Variants in CALN1 observed in about 807,000 individuals in gnomAD.
CALN1 encodes calneuron 1.
In CALN1, 17 loss-of-function variants were observed where a neutral mutation model predicts 30.6. The observed-to-expected ratio is 0.56, with a 90% CI of 0.38 to 0.83. CALN1 has a LOEUF of 0.83. Ranked by LOEUF, CALN1 falls within the 40% of genes least tolerant of loss-of-function variation. The pLI is 0.00. For synonymous variants in CALN1, 156 were observed against 131.4 expected (o/e 1.19, Z -1.28); for missense variants, 291 against 354.9 (o/e 0.82, Z 1.45).
intron 6 of CALN1, 53 bp from the exon 7 acceptor site, chr7:71,787,955 G>A: frequency 1.9e-6 from 3 of 1,611,138 alleles, no homozygotes; most frequent in Admixed American, 1.7e-5. Context: ...TGGGAGAAGA[G>A]AGAAGAGAGA....
intron 4 of CALN1, among the ~76,000 whole-genome samples, chr7:72,077,124 G>A (rs936440027): frequency 1.4e-4 from 22 of 152,036 alleles, no homozygotes; most frequent in African/African-American, 4.8e-4. Flanking sequence ...AGTTCTGACC[G>A]TTACACCTTC....
intron 4 of CALN1, among the ~76,000 whole-genome samples, chr7:72,031,813 C>A (rs1288790760): frequency 6.9e-6 from 1 of 144,730 alleles, no homozygotes; most frequent in African/African-American, 2.6e-5. Context: ...ATGATCTTGG[C>A]TGATCGCAAC....
rs1439213976 is a variant in CALN1 at position 71,917,973 on chromosome 7, G to A, written c.501+105684C>T. Reference sequence around the variant, plus strand: ...CTCAGATATGAAAATCCAGAGTCACGACCAAATGTGTTTAGGGTCGATGGC... The same window carrying A: ...CTCAGATATGAAAATCCAGAGTCACAACCAAATGTGTTTAGGGTCGATGGC... On this transcript the variant is annotated intron_variant, in intron 5 of 6. Transcript: ENST00000395275. 4.6e-5 allele frequency among the ~76,000 whole-genome samples: 7 copies of A among 152,234 alleles called. No individual in the cohort carries two copies. The East Asian group carries it at 9.7e-4, about 21-fold the overall frequency.
intron 3 of CALN1, among the ~76,000 whole-genome samples, chr7:72,179,142 A>G (rs1034021063): frequency 2.0e-5 from 3 of 152,200 alleles, no homozygotes; most frequent in African/African-American, 7.2e-5. Context: ...TAAATTAGAG[A>G]TGCTTTAAAT....
intron 5 of CALN1, among the ~76,000 whole-genome samples, chr7:71,848,830 C>A (rs984046861): frequency 1.3e-5 from 2 of 152,106 alleles, no homozygotes; most frequent in African/African-American, 4.8e-5. Flanking sequence ...AGAAAACAAA[C>A]TTGGAAAGCT....
At chr7:72,030,180 CG>C (rs1801342543) in intron 4 of CALN1, among the ~76,000 whole-genome samples, 1 of 152,128 alleles carries the variant, frequency 6.6e-6, no homozygotes, top group African/African-American at 2.4e-5. Flanking sequence ...TTGTCTTGAG[CG>C]TTAGAGTATT....
At chr7:72,176,245 C>T (rs1364247944) in intron 3 of CALN1, among the ~76,000 whole-genome samples, 2 of 152,166 alleles carry the variant, frequency 1.3e-5, no homozygotes, top group Non-Finnish European at 2.9e-5. Context: ...TTCTTACAGG[C>T]AGACCAGGGC....
intron 4 of CALN1, among the ~76,000 whole-genome samples, chr7:72,054,622 G>C (rs1236253588): frequency 6.6e-6 from 1 of 150,606 alleles, no homozygotes; most frequent in African/African-American, 2.4e-5. Flanking sequence ...AACATGAATG[G>C]AGCTGGAAGC....
the CALN1 span, among the ~76,000 whole-genome samples, chr7:72,481,305 C>T: frequency 6.6e-6 from 1 of 152,292 alleles, no homozygotes; most frequent in Admixed American, 6.5e-5. Flanking sequence ...CCAGGCTGGC[C>T]TGGAACTCCT....
chr7:72,410,277 T>G (rs948450708), intron 1 of CALN1, among the ~76,000 whole-genome samples: 1 of 152,208 alleles, frequency 6.6e-6, no homozygotes, highest in Non-Finnish European at 1.5e-5. Context: ...ACTGCACTTG[T>G]GTTACTGACT....
At chr7:72,202,930 C>T (rs1791543555) in intron 3 of CALN1, among the ~76,000 whole-genome samples, 1 of 152,120 alleles carries the variant, frequency 6.6e-6, no homozygotes, top group Admixed American at 6.6e-5. Context: ...AGACTTGGAA[C>T]CAACCCAAAT....
chr7:72,319,217 A>G (rs1166634009), intron 2 of CALN1, among the ~76,000 whole-genome samples: 1 of 152,186 alleles, frequency 6.6e-6, no homozygotes, highest in African/African-American at 2.4e-5. Context: ...TGCTGCTGAT[A>G]AACACATACC....
At chr7:72,203,979 CT>C (rs869149598) in intron 3 of CALN1, among the ~76,000 whole-genome samples, 123 of 83,768 alleles carry the variant, frequency 1.5e-3, no homozygotes, top group African/African-American at 5.1e-3. Context: ...AGGCCTCTCT[CT>C]TTTTTTTTTT....
chr7:72,397,360 G>A (rs1336026861), intron 2 of CALN1, among the ~76,000 whole-genome samples: 3 of 152,160 alleles, frequency 2.0e-5, no homozygotes, highest in African/African-American at 4.8e-5. Context: ...CAAGGTTGAG[G>A]CCACAGGAGT....
intron 2 of CALN1, among the ~76,000 whole-genome samples, chr7:72,317,349 G>T (rs1800557181): frequency 6.6e-6 from 1 of 152,184 alleles, no homozygotes; most frequent in Non-Finnish European, 1.5e-5. Flanking sequence ...GACAGCAGCA[G>T]TTTTCTCCTG....
At chr7:72,239,264 G>A (rs963232890) in intron 3 of CALN1, among the ~76,000 whole-genome samples, 8 of 152,082 alleles carry the variant, frequency 5.3e-5, no homozygotes, top group Non-Finnish European at 1.2e-4. Context: ...CAGGAGTGGT[G>A]GCACGTCCTT....
At chr7:72,163,273 G>A (rs1335915377) in intron 3 of CALN1, among the ~76,000 whole-genome samples, 1 of 151,660 alleles carries the variant, frequency 6.6e-6, no homozygotes, top group Non-Finnish European at 1.5e-5. Flanking sequence ...AAGTCAAGGT[G>A]TTTGGACAAT....
At chr7:72,151,657 C>T (rs1446776035) in intron 3 of CALN1, among the ~76,000 whole-genome samples, 2 of 152,108 alleles carry the variant, frequency 1.3e-5, no homozygotes, top group Admixed American at 1.3e-4. Context: ...AATGTGCCTG[C>T]AAGACTAACC....
chr7:72,379,014 A>T (rs1804733956), intron 2 of CALN1, among the ~76,000 whole-genome samples: 1 of 152,204 alleles, frequency 6.6e-6, no homozygotes, highest in South Asian at 2.1e-4. Flanking sequence ...TTAGAATGTT[A>T]AACCAACTTT....
Sources: allele counts gnomAD v4.1 joint callset (sites outside exome capture counted in the v4.1 genomes callset), GRCh38; gene constraint gnomAD v4.1.1; transcripts MANE v1.5; gene names NCBI Gene and HGNC (gene_info 2026-07-23, HGNC 2026-07-21).